Variants in PTGER4 observed in about 807,000 individuals in gnomAD.
The protein encoded by PTGER4 is prostaglandin E receptor 4.
Under a neutral mutation model 33.2 loss-of-function variants are expected in PTGER4, and 11 were observed. The ratio of observed to expected loss-of-function variants is 0.33; its 90% CI spans 0.21 to 0.55. PTGER4 has a LOEUF of 0.55. Ranked by LOEUF, PTGER4 falls within the 20% of genes least tolerant of loss-of-function variation. The pLI is 0.92. For missense variants in PTGER4, 481 were observed against 650.2 expected, an observed-to-expected ratio of 0.74 and a Z score of 2.83; for synonymous variants, 275 against 281.5, an observed-to-expected ratio of 0.98 and a Z score of 0.23.
chr5:40,719,139 C>T, the PTGER4 span, among the ~76,000 whole-genome samples: 804 of 152,274 alleles, frequency 5.3e-3, 8 homozygotes, highest in African/African-American at 0.018. Flanking sequence ...CACAGTCACA[C>T]AGCCATCACC....
chr5:40,731,495 T>C, the PTGER4 span, among the ~76,000 whole-genome samples: 14 of 152,268 alleles, frequency 9.2e-5, no homozygotes, highest in African/African-American at 3.1e-4. Flanking sequence ...CTCAGGAAAC[T>C]TACAAGGATG....
chr5:40,746,782 A>G, the PTGER4 span: 3 of 1,586,650 alleles, frequency 1.9e-6, no homozygotes, highest in East Asian at 6.7e-5. Flanking sequence ...ATAAAAAAAA[A>G]ACTTTAAATA....
chr5:40,706,647 A>G, the PTGER4 span, among the ~76,000 whole-genome samples: 1 of 152,140 alleles, frequency 6.6e-6, no homozygotes, highest in East Asian at 1.9e-4. Flanking sequence ...ATTTGGGAGT[A>G]AGGACAGGTT....
rs979798603 is a variant in PTGER4 at position 40,692,635 on chromosome 5, C to T, written c.*257C>T. Reference sequence around the variant, plus strand: ...AACTTGATGGCTGCGAAGACCTACCCTCCGTTTTTCTACTAGATAGGAGGA... The same window carrying T: ...AACTTGATGGCTGCGAAGACCTACCTTCCGTTTTTCTACTAGATAGGAGGA... On this transcript the variant is annotated 3_prime_UTR_variant, in exon 3 of 3. Transcript: ENST00000302472. 3 of 1,195,916 alleles carry T rather than the reference C, an allele frequency of 2.5e-6. No homozygotes were observed. Among genetic ancestry groups the T allele is most frequent in the South Asian group, 2.7e-5 (1 of 37,036 alleles). The allele number at this position is 1,195,916 out of a possible 1,614,324, so 74.1% of individuals were successfully genotyped here.
intron 2 of PTGER4, among the ~76,000 whole-genome samples, chr5:40,689,066 T>C (rs1579648216): frequency 6.6e-6 from 1 of 152,134 alleles, no homozygotes; most frequent in South Asian, 2.1e-4. Context: ...ATATGTAATA[T>C]CCCCATCAGA....
chr5:40,695,464 T>C (rs537140990), downstream of PTGER4, among the ~76,000 whole-genome samples: 3 of 152,138 alleles, frequency 2.0e-5, no homozygotes, highest in African/African-American at 7.2e-5. Flanking sequence ...GAGAATCGTT[T>C]AAACCCGGGA....
the PTGER4 span, among the ~76,000 whole-genome samples, chr5:40,706,990 G>A: frequency 6.6e-6 from 1 of 152,148 alleles, no homozygotes; most frequent in Non-Finnish European, 1.5e-5. Flanking sequence ...GAGAGGTTTT[G>A]TCACAACCAG....
chr5:40,719,908 T>G, the PTGER4 span, among the ~76,000 whole-genome samples: 1 of 152,210 alleles, frequency 6.6e-6, no homozygotes, highest in African/African-American at 2.4e-5. Context: ...GTTATTGAGT[T>G]GTAAGAGTTT....
the PTGER4 span, among the ~76,000 whole-genome samples, chr5:40,742,005 AAG>A: frequency 6.6e-6 from 1 of 152,174 alleles, no homozygotes; most frequent in African/African-American, 2.4e-5. Context: ...AAAGAAAAAA[AAG>A]AAATTAAGGA....
the PTGER4 span, among the ~76,000 whole-genome samples, chr5:40,711,158 G>A: frequency 2.0e-5 from 3 of 152,050 alleles, no homozygotes; most frequent in South Asian, 6.2e-4. Flanking sequence ...TACAGCTCAT[G>A]AAGGACTTCT....
chr5:40,696,578 G>A (rs554389940), downstream of PTGER4: 6 of 756,022 alleles, frequency 7.9e-6, no homozygotes, highest in East Asian at 6.5e-4. Context: ...AAGAGAGAAA[G>A]ATAGCTGGGT....
chr5:40,723,817 A>G, the PTGER4 span, among the ~76,000 whole-genome samples: 2 of 151,980 alleles, frequency 1.3e-5, no homozygotes, highest in Admixed American at 1.3e-4. Flanking sequence ...GTGAGCCGAG[A>G]TCACACCACT....
the PTGER4 span, among the ~76,000 whole-genome samples, chr5:40,738,439 AAATAAAATACAATACAATAC>A: frequency 5.4e-3 from 650 of 119,794 alleles, 46 homozygotes; most frequent in South Asian, 5.5e-3. Flanking sequence ...ATAAAATATA[AAATAAAATACAATACAATAC>A]AATACAATAC....
At chr5:40,737,846 T>C in the PTGER4 span, among the ~76,000 whole-genome samples, 2 of 152,222 alleles carry the variant, frequency 1.3e-5, no homozygotes, top group Non-Finnish European at 2.9e-5. Context: ...CGGTATGTAC[T>C]CTTCCTGACT....
At position 40,681,961 on chromosome 5, in the gene PTGER4, ACGTGT is replaced by A; in HGVS notation, c.867+104_867+108del. On this transcript the variant is annotated intron_variant, in intron 2 of 2. Transcript: ENST00000302472. This position sits in a 1 kb window ranked among gnomAD's most constrained non-coding sequence, Gnocchi z 9.8. ...TTTCCCTCTGAGTCCTTGGCAGTGA[ACGTGT>A]CGCCTTTAGGTCGGGGCTGGGATTC... 7.3e-7 allele frequency: 1 copy of A among 1,371,466 alleles called. No individual in the cohort carries two copies. The highest frequency in any genetic ancestry group is 9.6e-7 in the Non-Finnish European group (1 of 1,039,136). 85.0% of individuals were successfully genotyped at this position (1,371,466 alleles called of 1,614,324 possible).
chr5:40,716,240 C>T, the PTGER4 span: 1 of 1,614,180 alleles, frequency 6.2e-7, no homozygotes, highest in Non-Finnish European at 8.5e-7. Flanking sequence ...GACACAATAA[C>T]CATTGTTTTA....
chr5:40,688,917 T>C (rs1741397586), intron 2 of PTGER4, among the ~76,000 whole-genome samples: 1 of 152,236 alleles, frequency 6.6e-6, no homozygotes, highest in African/African-American at 2.4e-5. Flanking sequence ...TAATTTCATC[T>C]TGGTTAGAGG....
intron 2 of PTGER4, among the ~76,000 whole-genome samples, chr5:40,690,621 G>C (rs1396952355): frequency 6.6e-6 from 1 of 152,158 alleles, no homozygotes; most frequent in African/African-American, 2.4e-5. Context: ...TGGTCATTCT[G>C]GGTAACAGGA....
In PTGER4 at chr5:40,681,881, C is replaced by A; in HGVS notation, c.867+21C>A. The A allele has an allele frequency of 6.7e-7, 1 of 1,484,092 alleles. No homozygotes were observed. The highest frequency in any genetic ancestry group is 8.9e-7 in the Non-Finnish European group (1 of 1,121,832). The allele number at this position is 1,484,092 out of a possible 1,614,324, so 91.9% of individuals were successfully genotyped here. A position where few individuals can be genotyped will look rare whatever the true frequency, so the allele number is the denominator to read the frequency against. On this transcript the variant is annotated intron_variant, in intron 2 of 2. Transcript: ENST00000302472. This position sits in a 1 kb window ranked among gnomAD's most constrained non-coding sequence, Gnocchi z 9.8. Reference sequence around the variant, plus strand: ...TCGTGGTGAGTGACCGGGGCTGGGGCCCTACTCGGCCTTTTTCTCGCATCC... The same window carrying A: ...TCGTGGTGAGTGACCGGGGCTGGGGACCTACTCGGCCTTTTTCTCGCATCC...
Sources: gnomAD v4.1 joint callset for allele counts (sites outside exome capture counted in the v4.1 genomes callset) on GRCh38, gnomAD v4.1.1 for gene constraint, Gnocchi (gnomAD v3.1) non-coding constraint, MANE v1.5 for transcripts, NCBI Gene and HGNC (gene_info 2026-07-23, HGNC 2026-07-21) for gene names.